The following ZCCHC17 variants were observed in gnomAD, a reference collection of about 807,000 sequenced individuals.
ZCCHC17 encodes zinc finger CCHC-type containing 17, also known as zinc finger CCHC domain-containing protein 17.
A neutral mutation model predicts 30.6 loss-of-function variants in ZCCHC17; 18 were observed. The observed-to-expected ratio is 0.59, with a 90% confidence interval of 0.41 to 0.87. The LOEUF is 0.87. Ranked by LOEUF, ZCCHC17 falls within the 40% of genes least tolerant of loss-of-function variation. The pLI is 0.00. For synonymous variants in ZCCHC17, 88 were observed against 92.4 expected (o/e 0.95, Z 0.27); for missense variants, 263 against 284.2 (o/e 0.93, Z 0.54).
Position 31,364,464 on chromosome 1 carries a change from A to T in ZCCHC17, c.*271A>T, listed in dbSNP as rs999802681. 2.0e-5 allele frequency: 10 copies of T among 505,024 alleles called. No homozygotes were observed. The highest frequency in any genetic ancestry group is 3.4e-5 in the Non-Finnish European group (10 of 290,446). The allele number at this position is 505,024 out of a possible 1,614,324, so 31.3% of individuals were successfully genotyped here. On this transcript the variant is annotated 3_prime_UTR_variant, in exon 8 of 8. Transcript: ENST00000344147. ...TTCATTCACCCAACTTCCTTCATTC[A>T]GCAGGAGGTCCTATTACCCTCTCCA...
chr1:31,327,906 T>C (rs6425740), intron 3 of ZCCHC17, among the ~76,000 whole-genome samples: 118,738 of 151,848 alleles, frequency 0.78, 46,839 homozygotes, highest in African/African-American at 0.84. Context: ...ACTACTGTAA[T>C]GGGATGATTA....
chr1:31,345,024 ATTTTT>A (rs546042719), intron 5 of ZCCHC17, among the ~76,000 whole-genome samples: 1 of 134,768 alleles, frequency 7.4e-6, no homozygotes, highest in South Asian at 2.4e-4. Flanking sequence ...ATGCCTGGCT[ATTTTT>A]TTTTTTTTTT....
chr1:31,337,508 C>T (rs545807563), intron 4 of ZCCHC17, among the ~76,000 whole-genome samples: 36 of 152,242 alleles, frequency 2.4e-4, no homozygotes, highest in African/African-American at 8.4e-4. Flanking sequence ...GTTTGTAAAA[C>T]TTCCCTCCCT....
intron 5 of ZCCHC17, among the ~76,000 whole-genome samples, chr1:31,339,722 G>A (rs1638961542): frequency 6.6e-6 from 1 of 152,050 alleles, no homozygotes; most frequent in South Asian, 2.1e-4. Flanking sequence ...AGTGATTTCT[G>A]CAGGTGGGGT....
chr1:31,329,519 T>C (rs1330820729), intron 3 of ZCCHC17, among the ~76,000 whole-genome samples: 1 of 152,160 alleles, frequency 6.6e-6, no homozygotes, highest in East Asian at 1.9e-4. Flanking sequence ...ATTTTCTGAT[T>C]AGCTTTTTTG....
At chr1:31,360,552 G>A (rs112952686) in intron 7 of ZCCHC17, among the ~76,000 whole-genome samples, 3,775 of 152,290 alleles carry the variant, frequency 0.025, 152 homozygotes, top group African/African-American at 0.086. Flanking sequence ...TTTGCTGGAG[G>A]ATTGGATTGT....
intron 7 of ZCCHC17, among the ~76,000 whole-genome samples, chr1:31,353,603 A>T (rs1639544158): frequency 6.6e-6 from 1 of 152,162 alleles, no homozygotes; most frequent in Non-Finnish European, 1.5e-5. Flanking sequence ...TATTTTTCTA[A>T]GAGTTTTGTA....
intron 2 of ZCCHC17, chr1:31,318,074 T>C: frequency 1.0e-6 from 1 of 967,620 alleles, no homozygotes; most frequent in Non-Finnish European, 1.5e-6. Flanking sequence ...ATGCAAAGCA[T>C]TTTGAATATT....
chr1:31,322,384 C>G (rs1230874992), intron 3 of ZCCHC17, among the ~76,000 whole-genome samples: 2 of 152,140 alleles, frequency 1.3e-5, no homozygotes, highest in South Asian at 2.1e-4. Flanking sequence ...GCACTTCCCC[C>G]CAAAGTTGGT....
chr1:31,333,416 G>A (rs1477518849), intron 3 of ZCCHC17, among the ~76,000 whole-genome samples: 5 of 152,004 alleles, frequency 3.3e-5, no homozygotes, highest in African/African-American at 1.2e-4. Context: ...GCAGCTACTC[G>A]GGAGGCTGAG....
At chr1:31,357,454 C>T (rs1050106582) in intron 7 of ZCCHC17, among the ~76,000 whole-genome samples, 3 of 152,232 alleles carry the variant, frequency 2.0e-5, no homozygotes, top group Non-Finnish European at 1.5e-5. Context: ...ACACACTATA[C>T]TCCAGCTTCA....
chr1:31,334,089 G>T (rs1034778356), intron 3 of ZCCHC17, among the ~76,000 whole-genome samples: 4 of 152,156 alleles, frequency 2.6e-5, no homozygotes, highest in African/African-American at 7.2e-5. Context: ...TTTGGAGATT[G>T]TGTGTTGATC....
At chr1:31,356,773 T>C (rs1639657779) in intron 7 of ZCCHC17, among the ~76,000 whole-genome samples, 1 of 152,236 alleles carries the variant, frequency 6.6e-6, no homozygotes, top group African/African-American at 2.4e-5. Context: ...CCAGGATGCA[T>C]TGATTTAGTT....
intron 5 of ZCCHC17, among the ~76,000 whole-genome samples, chr1:31,345,559 TATAATATAATA>T (rs1228724809): frequency 3.6e-5 from 5 of 139,546 alleles, no homozygotes; most frequent in African/African-American, 1.3e-4. Flanking sequence ...TATATATATA[TATAATATAATA>T]TATATATATA....
At chr1:31,346,537 C>T in intron 5 of ZCCHC17, 103 bp from the exon 6 acceptor site, 2 of 1,361,912 alleles carry the variant, frequency 1.5e-6, no homozygotes, top group Non-Finnish European at 2.0e-6. Flanking sequence ...TTCTTTCTCC[C>T]CTTTCCCTGC....
At chr1:31,313,996 AG>A (rs1646669153) in intron 2 of ZCCHC17, among the ~76,000 whole-genome samples, 2 of 151,932 alleles carry the variant, frequency 1.3e-5, no homozygotes, top group African/African-American at 4.8e-5. Flanking sequence ...CCAGAGTAGC[AG>A]GGACTACAGG....
intron 2 of ZCCHC17, chr1:31,318,100 A>G: frequency 8.4e-7 from 1 of 1,194,134 alleles, no homozygotes; most frequent in South Asian, 1.5e-5. Context: ...GCATATAGTG[A>G]GTATTCAGTA....
At chr1:31,328,765 C>G (rs946467912) in intron 3 of ZCCHC17, among the ~76,000 whole-genome samples, 1 of 152,014 alleles carries the variant, frequency 6.6e-6, no homozygotes, top group Non-Finnish European at 1.5e-5. Context: ...GTTTGCCAAC[C>G]CAGAAACTAC....
rs1243198639 is a variant in ZCCHC17, at chr1:31,323,581, A to G, written c.124+4415A>G. Among the ~76,000 whole-genome samples the G allele has an allele frequency of 2.0e-5, 3 of 152,270 alleles. No individual in the cohort carries two copies. In the East Asian group the frequency reaches 5.8e-4, roughly 29 times the overall value. On this transcript the variant is annotated intron_variant, in intron 3 of 7. Coordinates refer to ENST00000344147, the MANE Select transcript of ZCCHC17 (RefSeq NM_016505.4). ...CATGATCTGCCTGCCTCGGCCTCCC[A>G]AAGTGCTGGGATTCCAGGCGTGAGC...
Sources: allele counts gnomAD v4.1 joint callset (sites outside exome capture counted in the v4.1 genomes callset), GRCh38; gene constraint gnomAD v4.1.1; transcripts MANE v1.5; gene names NCBI Gene and HGNC (gene_info 2026-07-23, HGNC 2026-07-21).